The following AGRN variants were observed in gnomAD, a reference collection of about 807,000 sequenced individuals.
AGRN encodes the protein agrin proteoglycan.
Under a neutral mutation model 211.0 loss-of-function variants are expected in AGRN, and 106 were observed. The ratio of observed to expected loss-of-function variants is 0.50; its 90% CI spans 0.43 to 0.59. The LOEUF is 0.59. AGRN is among the 20% of genes least tolerant of loss of function. The pLI is 0.00. For synonymous variants in AGRN, 1,525 were observed against 1,332.5 expected, an observed-to-expected ratio of 1.14 and a Z score of -3.15; for missense variants, 3,040 against 2,982.6, an observed-to-expected ratio of 1.02 and a Z score of -0.45.
Position 1,050,832 on chromosome 1 carries a change from T to A in AGRN, c.5248T>A (p.Ser1750Thr). 3 of 1,573,264 alleles carry A rather than the reference T, an allele frequency of 1.9e-6. No individual in the cohort carries two copies. The highest frequency in any genetic ancestry group is 2.6e-6 in the Non-Finnish European group (3 of 1,163,946). Residue 1750 changes from serine to threonine, a missense_variant, in exon 30 of 36, where the codon TCC (serine) becomes ACC (threonine). By Grantham distance (58) the Ser-to-Thr change is moderately conservative. Around this residue, in one of 3 missense-constraint regions of AGRN, gnomAD observed 1,537 missense variants for 1,505.0 expected, o/e 1.02. Coordinates refer to ENST00000379370, the MANE Select transcript of AGRN (RefSeq NM_198576.4). ...CGACGGCCCCCGTGTGTTGGGGGAG[T>A]CCCCGGTGAGTGCTCTGGGCCGCGA... Reference protein sequence around the residue: ...VGDGPRVLGESPVPHTVLNLK... With the variant: ...VGDGPRVLGETPVPHTVLNLK...
At chr1:1,037,332 C>G (rs1027263217) in intron 3 of AGRN, among the ~76,000 whole-genome samples, 6 of 152,176 alleles carry the variant, frequency 3.9e-5, no homozygotes, top group African/African-American at 1.4e-4. Flanking sequence ...TACACACTGC[C>G]CCCTTCACCT....
rs903479271 is a variant in AGRN at position 1,033,453 on chromosome 1, C to T, written c.464-1824C>T. On this transcript the variant is annotated intron_variant, in intron 2 of 35. Transcript: ENST00000379370. The stretch of plus-strand genomic sequence containing the variant: ...ACCCCCGCGGGTGCGGGGCGCGGAC[C>T]CGCCCGGCCCAGCTCCTGCTCCCCA... Among the ~76,000 whole-genome samples, 14 of 151,648 alleles carry T rather than the reference C, an allele frequency of 9.2e-5. No individual in the cohort carries two copies. The East Asian group carries it at 2.5e-3, about 28-fold the overall frequency.
In AGRN at chr1:1,050,482, C is replaced by T. The variant is rs1479456891; in HGVS notation, c.5032C>T (p.Leu1678Phe). Reference protein sequence around the residue: ...FLARGPSGLLLYNGQKTDGKG... With the variant: ...FLARGPSGLLFYNGQKTDGKG... The stretch of plus-strand genomic sequence containing the variant: ...GGCACGAGGCCCCAGCGGCCTCCTG[C>T]TCTACAACGGGCAGAAGACGGACGG... Residue 1678 changes from leucine (L) to phenylalanine (F), a missense_variant, in exon 29 of 36, where the codon CTC becomes TTC. Leu to Phe is a conservative substitution (Grantham distance 22). This residue lies in a region of AGRN where 1,537 missense variants were observed against 1,505.0 expected (regional missense o/e 1.02). Coordinates refer to ENST00000379370, the MANE Select transcript of AGRN (RefSeq NM_198576.4). 1.2e-6 allele frequency: 2 copies of T among 1,612,950 alleles called. No homozygotes were observed. The highest frequency in any genetic ancestry group is 1.7e-5 in the Admixed American group (1 of 60,006).
chr1:1,027,124 C>A (rs1021366896), intron 2 of AGRN, among the ~76,000 whole-genome samples: 17 of 152,214 alleles, frequency 1.1e-4, no homozygotes, highest in African/African-American at 4.1e-4. Context: ...GACGGCCCCT[C>A]CCAGCCCCCT....
rs1645174752 is a variant in AGRN at position 1,048,730 on chromosome 1, G to A, written c.4106-137G>A. On this transcript the variant is annotated intron_variant, in intron 23 of 35. Transcript: ENST00000379370. The surrounding 1 kb of genome is among the most constrained non-coding windows in gnomAD (Gnocchi z 5.9). ...TGCGGTGAGCCAGGATCGCGCCACTGCACTCCAGCCGGGGCAAAAAGAGCA... is the reference window on the plus strand; with the variant it reads ...TGCGGTGAGCCAGGATCGCGCCACTACACTCCAGCCGGGGCAAAAAGAGCA... The A allele has an allele frequency of 4.7e-6, 5 of 1,060,470 alleles. No homozygotes were observed. The highest frequency in any genetic ancestry group is 3.1e-4 in the Middle Eastern group (1 of 3,270). The allele number at this position is 1,060,470 out of a possible 1,614,324, so 65.7% of individuals were successfully genotyped here.
At chr1:1,053,051 G>A (rs865928668) in intron 33 of AGRN, 15 of 202,410 alleles carry the variant, frequency 7.4e-5, no homozygotes, top group South Asian at 3.1e-4. Flanking sequence ...GTGTGTGTCC[G>A]TGTGTAGGTT....
At position 1,031,595 on chromosome 1, in the gene AGRN, C is replaced by G. The variant is rs1644678431; in HGVS notation, c.464-3682C>G. Among the ~76,000 whole-genome samples the G allele has an allele frequency of 6.6e-6, 1 of 152,210 alleles. No homozygotes were observed. The highest frequency in any genetic ancestry group is 1.5e-5 in the Non-Finnish European group (1 of 68,024). On this transcript the variant is annotated intron_variant, in intron 2 of 35. Transcript: ENST00000379370. The surrounding 1 kb of genome is among the most constrained non-coding windows in gnomAD (Gnocchi z 4.8). ...AGCCCAAGGGGCCCTAAGCCTCATT[C>G]CAGTGTCGGCCTGGGGCAGCCAGGC...
At chr1:1,053,568 T>C in intron 33 of AGRN, 185 bp from the exon 34 acceptor site, 14 of 1,520,734 alleles carry the variant, frequency 9.2e-6, no homozygotes, top group Non-Finnish European at 1.2e-5. Context: ...CTGATCTCTC[T>C]CTGCCAGGCT....
Position 1,022,429 on chromosome 1 carries a change from C to T in AGRN, c.430C>T (p.Arg144Trp), listed in dbSNP as rs369812653. The T allele has an allele frequency of 2.2e-5, 36 of 1,612,018 alleles. No homozygotes were observed. Among genetic ancestry groups the T allele is most frequent in the South Asian group, 3.3e-5 (3 of 91,074 alleles). Residue 144 changes from arginine (R) to tryptophan (W), a missense_variant, in exon 2 of 36, where the codon CGG (arginine) becomes TGG (tryptophan). Physicochemically the swap from Arg to Trp is moderately radical, Grantham distance 101. Transcript: ENST00000379370. ...CTCCAGCCTCATGCGGATCACCCTG[C>T]GGAACCTGGAGGAGGTGGAGTTCTG... ...LNSSLMRITLRNLEEVEFCVE... is the reference protein window; with the variant it reads ...LNSSLMRITLWNLEEVEFCVE...
intron 3 of AGRN, among the ~76,000 whole-genome samples, chr1:1,039,993 G>C (rs930057905): frequency 2.0e-5 from 3 of 152,156 alleles, no homozygotes; most frequent in Non-Finnish European, 2.9e-5. Flanking sequence ...GGAGAGGGAG[G>C]CAAGAAGATT....
rs562082133 is a variant in AGRN, at chr1:1,036,985, G to A, written c.511+1661G>A. 4.6e-5 allele frequency among the ~76,000 whole-genome samples: 7 copies of A among 152,276 alleles called. No homozygotes were observed. The South Asian group carries it at 1.4e-3, about 32-fold the overall frequency. On this transcript the variant is annotated intron_variant, in intron 3 of 35. Coordinates refer to ENST00000379370, the MANE Select transcript of AGRN (RefSeq NM_198576.4). ...TGCAACAGGCTGGGAGAGCAGGTAG[G>A]TGAGCAGCTGGCTTGTCCTGGAAGA...
intron 1 of AGRN, among the ~76,000 whole-genome samples, chr1:1,020,665 GGA>G (rs1409476226): frequency 2.7e-5 from 4 of 149,266 alleles, no homozygotes; most frequent in Admixed American, 2.7e-4. Context: ...CGGCCGAGAA[GGA>G]GAGGGGCCTG....
At position 1,020,217 on chromosome 1, in the gene AGRN, G is replaced by C. The variant is rs115173026; in HGVS notation, c.45G>C (p.Pro15=). Residue 15 remains proline, a synonymous_variant, in exon 1 of 36, where the codon CCG becomes CCC. Transcript: ENST00000379370. The part of the protein sequence containing the change: ...SHPGPLRPLL[P]LLVVAACVLP... ...CGGGCCCGCTGCGGCCGCTGCTGCC[G>C]CTCCTTGTGGTGGCCGCGTGCGTCC... 7.2e-7 allele frequency: 1 copy of C among 1,393,480 alleles called. No individual in the cohort carries two copies. The allele number at this position is 1,393,480 out of a possible 1,614,324, so 86.3% of individuals were successfully genotyped here.
chr1:1,035,129 G>A, intron 2 of AGRN, 148 bp from the exon 3 acceptor site: 1 of 925,632 alleles, frequency 1.1e-6, no homozygotes, highest in Non-Finnish European at 1.7e-6. Flanking sequence ...ATGGGGTCAG[G>A]GCTGGACCCT....
Position 1,047,902 on chromosome 1 carries a change from G to T in AGRN, c.3751+7G>T, listed in dbSNP as rs780934260. On this transcript the variant is annotated splice_region_variant and intron_variant, in intron 22 of 35. Transcript: ENST00000379370. ...GTGCGATTTATGGACTTTGGTGAGC[G>T]CCAGGCCACGAGCCACAGCTTACCT... The T allele has an allele frequency of 5.6e-6, 9 of 1,599,342 alleles. No homozygotes were observed. Among genetic ancestry groups the T allele is most frequent in the African/African-American group, 1.3e-5 (1 of 74,588 alleles).
At chr1:1,045,571 G>C in intron 14 of AGRN, 48 bp downstream of exon 14, 2 of 1,607,410 alleles carry the variant, frequency 1.2e-6, no homozygotes, top group Non-Finnish European at 1.7e-6. Flanking sequence ...CCTCCTACCT[G>C]TTCACCCCCA....
At position 1,051,090 on chromosome 1, in the gene AGRN, C is replaced by G. The variant is rs1194434722; in HGVS notation, c.5254-163C>G. 3.9e-6 allele frequency: 6 copies of G among 1,547,088 alleles called. No homozygotes were observed. The African/African-American group carries it at 5.5e-5, about 14-fold the overall frequency. Reference sequence around the variant, plus strand: ...CTCACCGTCTCTGGCGCCTCAACCCCTAGGGTAGCTCCTCCCCCACTAAGG... The same window carrying G: ...CTCACCGTCTCTGGCGCCTCAACCCGTAGGGTAGCTCCTCCCCCACTAAGG... On this transcript the variant is annotated intron_variant, in intron 30 of 35. Transcript: ENST00000379370.
intron 27 of AGRN, 92 bp from the exon 28 acceptor site, chr1:1,050,141 T>G: frequency 1.3e-6 from 2 of 1,592,382 alleles, no homozygotes; most frequent in Non-Finnish European, 8.6e-7. Flanking sequence ...CTCAGTCTAG[T>G]CTGGGTTTTG....
intron 27 of AGRN, 75 bp from the exon 28 acceptor site, chr1:1,050,158 G>C (rs967317279): frequency 7.1e-5 from 114 of 1,597,540 alleles, no homozygotes; most frequent in Non-Finnish European, 9.1e-5. Context: ...TTTGAGTTAG[G>C]ATCCACACAC....
Sources: allele counts gnomAD v4.1 joint callset (sites outside exome capture counted in the v4.1 genomes callset), GRCh38; gene constraint gnomAD v4.1.1; regional missense constraint gnomAD v4.1.1; non-coding constraint Gnocchi (gnomAD v3.1); transcripts MANE v1.5; gene names NCBI Gene and HGNC (gene_info 2026-07-23, HGNC 2026-07-21).